Variants in LIMS1 observed in about 807,000 individuals in gnomAD.
The protein encoded by LIMS1 is LIM and senescent cell antigen-like-containing domain protein 1.
Under a neutral mutation model 44.1 loss-of-function variants are expected in LIMS1, and 18 were observed. That is an observed-to-expected ratio of 0.41 (90% CI 0.28 to 0.61). The LOEUF is 0.61. Among genes scored for constraint, LIMS1 ranks in the 20% least tolerant of loss-of-function variants. The probability of loss-of-function intolerance (pLI) is 0.32; values close to 1 mark genes in which losing one functional copy is unlikely to be tolerated. For missense variants in LIMS1, 201 were observed against 422.0 expected (o/e 0.48, Z 4.59); for synonymous variants, 93 against 149.1 (o/e 0.62, Z 2.74).
Position 108,583,700 on chromosome 2 carries a change from C to CTTTTT in LIMS1, c.32+49116_32+49120dup, listed in dbSNP as rs759827869. Among the ~76,000 whole-genome samples, 815 of 129,828 alleles carry CTTTTT rather than the reference C, an allele frequency of 6.3e-3. 25 individuals are homozygous for CTTTTT. The highest frequency in any genetic ancestry group is 0.02 in the African/African-American group (700 of 35,708). The allele number at this position is 129,828 out of a possible 152,430, so 85.2% of individuals were successfully genotyped here. ...TCCTGTTATTTTGTTGTTGCTGTTT[C>CTTTTT]TTTTTTTTTTTTTTGAGATGGAGTC... On this transcript the variant is annotated intron_variant, in intron 1 of 9. Transcript: ENST00000544547.
chr2:108,550,209 CAGCT>C (rs1013016036), intron 1 of LIMS1, among the ~76,000 whole-genome samples: 10 of 151,936 alleles, frequency 6.6e-5, no homozygotes, highest in African/African-American at 2.4e-4. Context: ...TAAAAATAAA[CAGCT>C]GGCTGGGCGC....
chr2:108,563,559 G>T (rs1160186559), intron 1 of LIMS1, among the ~76,000 whole-genome samples: 3 of 152,330 alleles, frequency 2.0e-5, no homozygotes, highest in African/African-American at 7.2e-5. Flanking sequence ...GTCTTAAGTT[G>T]TGACTTGAAT....
At chr2:108,607,325 C>T (rs1239319159) in intron 1 of LIMS1, 1 of 1,402,958 alleles carries the variant, frequency 7.1e-7, no homozygotes, top group Non-Finnish European at 9.9e-7. Context: ...TAATTGAGCA[C>T]ACCAGTTGTC....
Position 108,675,976 on chromosome 2 carries a change from G to A in LIMS1, c.629G>A (p.Arg210Gln). ...GTCCCCATCTGTGGTGCTTGCCGAC[G>A]GCCCATCGAAGGGCGCGTGGTGAAC... The change falls in exon 6 of 10, where the codon CGG (arginine) becomes CAG (glutamine). Residue 210 changes from arginine (R) to glutamine (Q), a missense_variant. Arg to Gln is a conservative substitution (Grantham distance 43). This residue lies in a region of LIMS1 where 21 missense variants were observed against 63.2 expected (regional missense o/e 0.33). Transcript: ENST00000544547. 3.1e-6 allele frequency: 5 copies of A among 1,613,988 alleles called. No homozygotes were observed. Among genetic ancestry groups the A allele is most frequent in the Non-Finnish European group, 4.2e-6 (5 of 1,179,924 alleles).
Position 108,658,717 on chromosome 2 carries a change from G to A in LIMS1, c.33-888G>A, listed in dbSNP as rs1377975477. The stretch of plus-strand genomic sequence containing the variant: ...TGTTTTAAGGTGTAGTGAGGCTACC[G>A]ATGGGGGAATTTCCCACGTCACCAG... On this transcript the variant is annotated intron_variant, in intron 1 of 9. Coordinates refer to ENST00000544547, the Ensembl canonical transcript of LIMS1. Among the ~76,000 whole-genome samples, 43 of 152,346 alleles carry A rather than the reference G, an allele frequency of 2.8e-4. No individual in the cohort carries two copies. The East Asian group carries it at 4.3e-3, about 15-fold the overall frequency.
chr2:108,611,967 CACATATATAAAATATATAT>C (rs1450104079), intron 1 of LIMS1, among the ~76,000 whole-genome samples: 1 of 143,046 alleles, frequency 7.0e-6, no homozygotes, highest in African/African-American at 2.6e-5. Flanking sequence ...ATTATATATA[CACATATATAAAATATATAT>C]ACATATATTA....
chr2:108,623,921 C>G (rs1009501950), intron 1 of LIMS1, among the ~76,000 whole-genome samples: 5 of 152,226 alleles, frequency 3.3e-5, no homozygotes, highest in African/African-American at 4.8e-5. Context: ...TTAAAGAGCA[C>G]TGTAATACAC....
intron 1 of LIMS1, among the ~76,000 whole-genome samples, chr2:108,649,735 C>T (rs987442403): frequency 6.6e-6 from 1 of 152,130 alleles, no homozygotes; most frequent in Admixed American, 6.6e-5. Flanking sequence ...AAAAACCAAA[C>T]ACTGCATGTT....
At chr2:108,666,383 T>G (rs1450099235) in intron 2 of LIMS1, among the ~76,000 whole-genome samples, 3 of 136,420 alleles carry the variant, frequency 2.2e-5, no homozygotes, top group African/African-American at 8.4e-5. Context: ...AGTGGAACAA[T>G]CACAGTTCAC....
intron 9 of LIMS1, among the ~76,000 whole-genome samples, chr2:108,683,223 C>A (rs1409657436): frequency 1.3e-5 from 2 of 152,004 alleles, no homozygotes; most frequent in African/African-American, 2.4e-5. Flanking sequence ...CTCATGGCTA[C>A]CTAATTTAAA....
At chr2:108,578,753 C>T (rs1220182569) in intron 1 of LIMS1, among the ~76,000 whole-genome samples, 1 of 151,980 alleles carries the variant, frequency 6.6e-6, no homozygotes, top group Admixed American at 6.6e-5. Flanking sequence ...ACCACCACGC[C>T]TGGCTAATTT....
intron 1 of LIMS1, among the ~76,000 whole-genome samples, chr2:108,612,447 TGAA>T (rs968639978): frequency 5.3e-5 from 8 of 151,842 alleles, no homozygotes; most frequent in Non-Finnish European, 7.4e-5. Flanking sequence ...GTTGCTATGA[TGAA>T]GAAAACCTGT....
intron 9 of LIMS1, among the ~76,000 whole-genome samples, chr2:108,683,137 G>T (rs1392414651): frequency 6.6e-6 from 1 of 152,150 alleles, no homozygotes; most frequent in Non-Finnish European, 1.5e-5. Flanking sequence ...TTTATGTTAA[G>T]AGTGATTAAA....
chr2:108,633,813 T>C (rs116197920), intron 1 of LIMS1, among the ~76,000 whole-genome samples: 3,048 of 152,314 alleles, frequency 0.02, 61 homozygotes, highest in African/African-American at 0.046. Flanking sequence ...AAATTAAGTT[T>C]TATTTTATAT....
At chr2:108,645,772 A>G (rs1690020817) in intron 1 of LIMS1, among the ~76,000 whole-genome samples, 1 of 151,932 alleles carries the variant, frequency 6.6e-6, no homozygotes, top group South Asian at 2.1e-4. Context: ...AGACACACAT[A>G]GGCTCAAAAT....
At chr2:108,622,397 A>T (rs995431357) in intron 1 of LIMS1, among the ~76,000 whole-genome samples, 2 of 152,186 alleles carry the variant, frequency 1.3e-5, no homozygotes, top group Non-Finnish European at 2.9e-5. Context: ...ACAAGCTTCA[A>T]CTTCTCTATT....
intron 1 of LIMS1, among the ~76,000 whole-genome samples, chr2:108,650,037 C>T (rs1308437790): frequency 2.6e-5 from 4 of 152,148 alleles, no homozygotes; most frequent in Non-Finnish European, 5.9e-5. Flanking sequence ...TCGCACAATC[C>T]TAATTCTTCA....
chr2:108,622,150 C>G (rs1688285662), intron 1 of LIMS1, among the ~76,000 whole-genome samples: 1 of 152,098 alleles, frequency 6.6e-6, no homozygotes, highest in African/African-American at 2.4e-5. Flanking sequence ...TTTCCCTGTT[C>G]CTGGGATGTT....
chr2:108,611,971 TATATAAA>T (rs1558809045), intron 1 of LIMS1, among the ~76,000 whole-genome samples: 5 of 139,454 alleles, frequency 3.6e-5, no homozygotes, highest in African/African-American at 1.1e-4. Context: ...TATATACACA[TATATAAA>T]ATATATATAC....
Sources: allele counts gnomAD v4.1 joint callset (sites outside exome capture counted in the v4.1 genomes callset), GRCh38; gene constraint gnomAD v4.1.1; regional missense constraint gnomAD v4.1.1; transcripts MANE v1.5; gene names NCBI Gene and HGNC (gene_info 2026-07-23, HGNC 2026-07-21).